Variants in DIPK1A observed in about 807,000 individuals in gnomAD.
DIPK1A encodes family with sequence similarity 69 member A.
A neutral mutation model predicts 40.8 loss-of-function variants in DIPK1A; 27 were observed. That is an observed-to-expected ratio of 0.66 (90% CI 0.49 to 0.91). The LOEUF (loss-of-function observed/expected upper bound fraction) is 0.91, where lower values mean the gene tolerates loss of function less well. Among genes scored for constraint, DIPK1A ranks in the 40% least tolerant of loss-of-function variants. DIPK1A has a pLI of 0.00. For missense variants in DIPK1A, 412 were observed against 505.7 expected (o/e 0.81, Z 1.78); for synonymous variants, 166 against 171.3 (o/e 0.97, Z 0.24).
intron 1 of DIPK1A, among the ~76,000 whole-genome samples, chr1:92,935,030 G>A (rs189091963): frequency 2.7e-4 from 41 of 152,352 alleles, no homozygotes; most frequent in Non-Finnish European, 1.3e-4. Flanking sequence ...AACAGTGAGA[G>A]TTATTTACTG....
intron 1 of DIPK1A, among the ~76,000 whole-genome samples, chr1:92,936,187 C>T (rs1404734667): frequency 1.3e-5 from 2 of 152,198 alleles, no homozygotes; most frequent in East Asian, 3.8e-4. Context: ...TGCATAGAGT[C>T]AGCAAGAAAA....
intron 2 of DIPK1A, among the ~76,000 whole-genome samples, chr1:92,856,157 T>C (rs1033515817): frequency 6.6e-5 from 10 of 151,902 alleles, no homozygotes; most frequent in African/African-American, 2.4e-4. Flanking sequence ...CAAGACTGAT[T>C]ATGAGAAAAA....
chr1:92,944,691 G>A (rs1651294865), intron 1 of DIPK1A, among the ~76,000 whole-genome samples: 1 of 152,170 alleles, frequency 6.6e-6, no homozygotes, highest in African/African-American at 2.4e-5. Context: ...GGAGTGCAGT[G>A]GTGCGATCTT....
At chr1:92,931,767 C>T (rs1448835665) in intron 1 of DIPK1A, 2 of 162,902 alleles carry the variant, frequency 1.2e-5, no homozygotes, top group African/African-American at 4.8e-5. Flanking sequence ...GTTCTGAAAT[C>T]TCAGTTGTTT....
Position 92,881,326 on chromosome 1 carries a change from CAA to C in DIPK1A, c.55-4898_55-4897del, listed in dbSNP as rs3042466. Among the ~76,000 whole-genome samples, 910 of 112,664 alleles carry C rather than the reference CAA, an allele frequency of 8.1e-3. 12 individuals are homozygous for C. Among genetic ancestry groups the C allele is most frequent in the African/African-American group, 0.02 (606 of 30,304 alleles). The allele number at this position is 112,664 out of a possible 152,430, so 73.9% of individuals were successfully genotyped here. On this transcript the variant is annotated intron_variant, in intron 1 of 4. Coordinates refer to ENST00000370310, the MANE Select transcript of DIPK1A (RefSeq NM_001006605.5). ...AATTTTGAGAATGGGGACTCTGTCTCAAAAAAAAAAAAAAAAAAAAAGGCATT... is the reference window on the plus strand; with the variant it reads ...AATTTTGAGAATGGGGACTCTGTCTCAAAAAAAAAAAAAAAAAAAGGCATT...
chr1:92,931,345 G>A lies in DIPK1A; in HGVS notation c.54+30031C>T, dbSNP rs929031543. 6.8e-5 allele frequency: 16 copies of A among 235,042 alleles called. No individual in the cohort carries two copies. The South Asian group carries it at 7.0e-4, about 10-fold the overall frequency. 14.6% of individuals were successfully genotyped at this position (235,042 alleles called of 1,614,324 possible). On this transcript the variant is annotated intron_variant, in intron 1 of 4. Transcript: ENST00000370310. ...CATTGGAAGGCCTGGTGCCCACACC[G>A]TATCAAAGAAAAAAGGACTGAGTGC...
intron 1 of DIPK1A, among the ~76,000 whole-genome samples, chr1:92,923,510 T>C (rs1277460390): frequency 6.6e-6 from 1 of 152,222 alleles, no homozygotes; most frequent in African/African-American, 2.4e-5. Context: ...CTAGAAAAGT[T>C]TCAAAATTTC....
chr1:92,894,044 A>G (rs1249119857), intron 1 of DIPK1A, among the ~76,000 whole-genome samples: 2 of 152,040 alleles, frequency 1.3e-5, no homozygotes, highest in African/African-American at 2.4e-5. Context: ...ACTCCCACAC[A>G]ATAATAATGG....
At chr1:92,958,073 A>G (rs1651921369) in intron 1 of DIPK1A, among the ~76,000 whole-genome samples, 1 of 152,214 alleles carries the variant, frequency 6.6e-6, no homozygotes, top group South Asian at 2.1e-4. Flanking sequence ...TTGCTGAATA[A>G]TATTCTGTTG....
downstream of DIPK1A, chr1:92,840,290 G>C: frequency 2.4e-6 from 1 of 418,964 alleles, no homozygotes; most frequent in Non-Finnish European, 4.4e-6. Context: ...GAGATTACAG[G>C]CATGAACCAC....
intron 1 of DIPK1A, among the ~76,000 whole-genome samples, chr1:92,912,003 C>CAAAAAAA (rs5776162): frequency 4.6e-5 from 2 of 43,686 alleles, no homozygotes; most frequent in African/African-American, 1.1e-4. Flanking sequence ...GACTCCATCT[C>CAAAAAAA]AAAAAAAAAA....
chr1:92,919,170 C>A (rs977581381), intron 1 of DIPK1A, among the ~76,000 whole-genome samples: 1 of 152,158 alleles, frequency 6.6e-6, no homozygotes, highest in Non-Finnish European at 1.5e-5. Context: ...TAAAATATAG[C>A]TAGATGACCA....
chr1:92,960,471 T>C (rs1169294252), intron 1 of DIPK1A, among the ~76,000 whole-genome samples: 2 of 152,140 alleles, frequency 1.3e-5, no homozygotes, highest in Non-Finnish European at 1.5e-5. Context: ...CATTGATTTG[T>C]AGTTGTTTTT....
downstream of DIPK1A, chr1:92,840,584 A>G: frequency 3.1e-6 from 5 of 1,613,122 alleles, no homozygotes; most frequent in Non-Finnish European, 4.2e-6. Context: ...TCATGCTGCT[A>G]TACGAGAGAA....
intron 1 of DIPK1A, among the ~76,000 whole-genome samples, chr1:92,903,374 G>GT (rs1371921237): frequency 2.6e-5 from 4 of 152,186 alleles, no homozygotes; most frequent in Non-Finnish European, 5.9e-5. Context: ...TAAAATGCTT[G>GT]TAACAATTAG....
At chr1:92,914,774 G>GA (rs112356216) in intron 1 of DIPK1A, among the ~76,000 whole-genome samples, 19,411 of 129,472 alleles carry the variant, frequency 0.15, 1,715 homozygotes, top group African/African-American at 0.28. Context: ...GTCTCAAAAA[G>GA]AAAAAAAAAA....
At chr1:92,838,472 TTTTCAGAC>T (rs1411358014), downstream of DIPK1A, among the ~76,000 whole-genome samples, 2 of 152,230 alleles carry the variant, frequency 1.3e-5, no homozygotes, top group African/African-American at 4.8e-5. Flanking sequence ...TGCTCAGAAC[TTTTCAGAC>T]TCCCAGTTTG....
chr1:92,959,902 A>ATTTT lies in DIPK1A; in HGVS notation c.54+1473_54+1474insAAAA, dbSNP rs1557502636. Among the ~76,000 whole-genome samples the ATTTT allele has an allele frequency of 1.4e-3, 61 of 43,088 alleles. 3 individuals are homozygous for ATTTT. The highest frequency in any genetic ancestry group is 4.2e-3 in the African/African-American group (33 of 7,932). 28.3% of individuals were successfully genotyped at this position (43,088 alleles called of 152,430 possible). A position where few individuals can be genotyped will look rare whatever the true frequency, so the allele number is the denominator to read the frequency against. On this transcript the variant is annotated intron_variant, in intron 1 of 4. Coordinates refer to ENST00000370310, the MANE Select transcript of DIPK1A (RefSeq NM_001006605.5). Reference sequence around the variant, plus strand: ...AGCTGGGACCACAGGCACCCAACCAACTTTTTTTTTTTTTTTTTTTTTTTT... The same window carrying ATTTT: ...AGCTGGGACCACAGGCACCCAACCAATTTTCTTTTTTTTTTTTTTTTTTTTTTTT...
intron 1 of DIPK1A, among the ~76,000 whole-genome samples, chr1:92,879,323 T>C (rs959430060): frequency 4.6e-5 from 7 of 152,342 alleles, no homozygotes; most frequent in South Asian, 4.1e-4. Flanking sequence ...AGTAAAGGAT[T>C]ATTTTAGTTT....
Sources: gnomAD v4.1 joint callset for allele counts (sites outside exome capture counted in the v4.1 genomes callset) on GRCh38, gnomAD v4.1.1 for gene constraint, MANE v1.5 for transcripts, NCBI Gene and HGNC (gene_info 2026-07-23, HGNC 2026-07-21) for gene names.